STAT5A: variants seen among roughly 807,000 people sequenced by gnomAD.
STAT5A encodes the protein epididymis secretory sperm binding protein.
Under a neutral mutation model 100.2 loss-of-function variants are expected in STAT5A, and 26 were observed. The observed-to-expected ratio is 0.26, with a 90% CI of 0.19 to 0.36. STAT5A has a LOEUF of 0.36. Ranked by LOEUF, STAT5A falls within the 10% of genes least tolerant of loss-of-function variation. The probability of loss-of-function intolerance (pLI) is 1.00; values close to 1 mark genes in which losing one functional copy is unlikely to be tolerated. For synonymous variants in STAT5A, 330 were observed against 424.3 expected, an observed-to-expected ratio of 0.78 and a Z score of 2.73; for missense variants, 634 against 1,027.5, an observed-to-expected ratio of 0.62 and a Z score of 5.24.
Position 42,308,950 on chromosome 17 carries a change from G to T in STAT5A, c.2063-97G>T. On this transcript the variant is annotated intron_variant, in intron 16 of 18. Transcript: ENST00000590949. This position sits in a 1 kb window ranked among gnomAD's most constrained non-coding sequence, Gnocchi z 4.6. ...CTCATCCCAGCTGAGAACACAAGGT[G>T]ATGTGAGCAGGAGGGAGACTACATG... 1 of 1,474,856 alleles carries T rather than the reference G, an allele frequency of 6.8e-7. No homozygotes were observed. The highest frequency in any genetic ancestry group is 9.5e-7 in the Non-Finnish European group (1 of 1,057,124). The allele number at this position is 1,474,856 out of a possible 1,614,324, so 91.4% of individuals were successfully genotyped here. A position where few individuals can be genotyped will look rare whatever the true frequency, so the allele number is the denominator to read the frequency against.
intron 6 of STAT5A, 49 bp downstream of exon 6, chr17:42,299,930 T>C: frequency 2.5e-6 from 4 of 1,570,186 alleles, no homozygotes; most frequent in Non-Finnish European, 3.5e-6. Flanking sequence ...ATGAAGTCAG[T>C]CTCTGGGGAC....
chr17:42,307,348 G>A (rs1404432435), intron 13 of STAT5A, 54 bp from the exon 14 acceptor site: 41 of 1,584,380 alleles, frequency 2.6e-5, no homozygotes, highest in Non-Finnish European at 3.1e-5. Context: ...GACTTTCCTG[G>A]GCCACCTGTG....
At chr17:42,294,425 G>T (rs1000432381) in intron 4 of STAT5A, among the ~76,000 whole-genome samples, 1 of 152,164 alleles carries the variant, frequency 6.6e-6, no homozygotes, top group African/African-American at 2.4e-5. Context: ...GAACACCCCT[G>T]GCATTCTAGG....
chr17:42,301,088 T>A (rs908581499), intron 8 of STAT5A, among the ~76,000 whole-genome samples, 187 bp from the exon 9 acceptor site: 4 of 152,078 alleles, frequency 2.6e-5, no homozygotes, highest in African/African-American at 9.7e-5. Flanking sequence ...CCAGCTGCTG[T>A]GTTATCTCAC....
At chr17:42,306,885 A>T (rs1184036631) in intron 13 of STAT5A, among the ~76,000 whole-genome samples, 2 of 151,824 alleles carry the variant, frequency 1.3e-5, no homozygotes, top group Non-Finnish European at 2.9e-5. Context: ...ATGCTGGGCT[A>T]ATTTTTGTAT....
chr17:42,308,608 G>A lies in STAT5A; in HGVS notation c.2062+275G>A, dbSNP rs1226282634. On this transcript the variant is annotated intron_variant, in intron 16 of 18. Coordinates refer to ENST00000590949, the MANE Select transcript of STAT5A (RefSeq NM_001288718.2). This position sits in a 1 kb window ranked among gnomAD's most constrained non-coding sequence, Gnocchi z 4.6. Reference sequence around the variant, plus strand: ...GGAGGAAGGGGTGGCAGCACTGTAGGGAGTGGCCGGGATCATTCGAGCCCA... The same window carrying A: ...GGAGGAAGGGGTGGCAGCACTGTAGAGAGTGGCCGGGATCATTCGAGCCCA... The A allele has an allele frequency of 3.2e-5, 17 of 530,002 alleles. No homozygotes were observed. In the South Asian group the frequency reaches 3.4e-4, roughly 11 times the overall value. The allele number at this position is 530,002 out of a possible 1,614,324, so 32.8% of individuals were successfully genotyped here.
chr17:42,292,827 A>G (rs2080883996), intron 4 of STAT5A, among the ~76,000 whole-genome samples: 1 of 150,452 alleles, frequency 6.6e-6, no homozygotes, highest in Admixed American at 6.6e-5. Context: ...ACGTGGTTTC[A>G]CTATGTTGGC....
intron 18 of STAT5A, among the ~76,000 whole-genome samples, chr17:42,310,039 C>T (rs1327836282): frequency 6.6e-6 from 1 of 152,204 alleles, no homozygotes; most frequent in African/African-American, 2.4e-5. Flanking sequence ...CTGATATGGC[C>T]TTGGTTTTCT....
chr17:42,297,217 G>A (rs928482904), intron 5 of STAT5A, among the ~76,000 whole-genome samples: 1 of 152,102 alleles, frequency 6.6e-6, no homozygotes, highest in Non-Finnish European at 1.5e-5. Context: ...GATTATAGGC[G>A]TGAGCCACGG....
At chr17:42,290,439 G>A (rs1223603963) in intron 3 of STAT5A, among the ~76,000 whole-genome samples, 1 of 152,194 alleles carries the variant, frequency 6.6e-6, no homozygotes, top group African/African-American at 2.4e-5. Context: ...TGAATTGAGG[G>A]TTTAGAAATA....
Position 42,310,915 on chromosome 17 carries a change from ATGG to A in STAT5A, c.*248_*250del. 1.7e-6 allele frequency: 1 copy of A among 603,086 alleles called. No homozygotes were observed. The highest frequency in any genetic ancestry group is 3.1e-5 in the East Asian group (1 of 32,752). The allele number at this position is 603,086 out of a possible 1,614,324, so 37.4% of individuals were successfully genotyped here. On this transcript the variant is annotated 3_prime_UTR_variant, in exon 19 of 19. Coordinates refer to ENST00000590949, the MANE Select transcript of STAT5A (RefSeq NM_001288718.2). The stretch of plus-strand genomic sequence containing the variant: ...AGAGTGCGCCGAGTCTGTCTCTGTC[ATGG>A]TAGAGACCGAGCCTCTGTCACTGCA...
chr17:42,289,485 A>G lies in STAT5A; in HGVS notation c.74A>G (p.His25Arg). ...CAGATGCAGGTGCTGTACGGCCAGC[A>G]CTTCCCCATCGAGGTCCGGCACTAC... is the stretch of plus-strand genomic sequence containing the variant. ...LRQMQVLYGQ[H>R]FPIEVRHYLA... The change falls in exon 2 of 19, where the codon CAC becomes CGC. Residue 25 changes from histidine to arginine, a missense_variant. Physicochemically the swap from His to Arg is conservative, Grantham distance 29 (BLOSUM62 0). This residue lies in a region of STAT5A where 207 missense variants were observed against 256.6 expected (regional missense o/e 0.81). Transcript: ENST00000590949. 6.2e-7 allele frequency: 1 copy of G among 1,613,224 alleles called. No individual in the cohort carries two copies.
chr17:42,307,481 C>T lies in STAT5A; in HGVS notation c.1760C>T (p.Pro587Leu). The change falls in exon 14 of 19, where the codon CCC becomes CTC. Residue 587 changes from proline (P) to leucine (L), a missense_variant. By Grantham distance (98) the Pro-to-Leu change is moderately conservative. Transcript: ENST00000590949. ...GAGGTGTTGAAGAAGCACCACAAGC[C>T]CCACTGGAATGATGGGTAAGGAACG... is the stretch of plus-strand genomic sequence containing the variant. ...VMEVLKKHHK[P>L]HWNDGAILGF... The T allele has an allele frequency of 6.2e-7, 1 of 1,614,036 alleles. No homozygotes were observed. The highest frequency in any genetic ancestry group is 8.5e-7 in the Non-Finnish European group (1 of 1,180,012).
chr17:42,305,565 G>T (rs200794191), intron 11 of STAT5A, 45 bp from the exon 12 acceptor site: 19 of 1,538,206 alleles, frequency 1.2e-5, no homozygotes, highest in Non-Finnish European at 1.6e-5. Context: ...CAGAGGGCAC[G>T]TGGTGGTCAC....
At chr17:42,299,708 A>C in intron 5 of STAT5A, 43 bp from the exon 6 acceptor site, 1 of 1,613,786 alleles carries the variant, frequency 6.2e-7, no homozygotes, top group Non-Finnish European at 8.5e-7. Context: ...CTCCTGTTGG[A>C]CACTAGGAGG....
intron 7 of STAT5A, 63 bp from the exon 8 acceptor site, chr17:42,300,652 T>G: frequency 6.2e-7 from 1 of 1,613,218 alleles, no homozygotes; most frequent in South Asian, 1.1e-5. Context: ...AGCTGTGTCT[T>G]GGGGCCTGGC....
At chr17:42,310,428 G>C in intron 18 of STAT5A, 79 bp from the exon 19 acceptor site, 1 of 1,509,178 alleles carries the variant, frequency 6.6e-7, no homozygotes, top group East Asian at 2.3e-5. Context: ...TGAGTGGAGA[G>C]CAGGCTGGAG....
intron 5 of STAT5A, among the ~76,000 whole-genome samples, chr17:42,298,660 A>G (rs1327018857): frequency 6.6e-6 from 1 of 150,676 alleles, no homozygotes; most frequent in African/African-American, 2.4e-5. Flanking sequence ...TTTAGTAGAG[A>G]TGGGGTTTCA....
chr17:42,292,489 C>T lies in STAT5A; in HGVS notation c.375+428C>T, dbSNP rs148395774. Among the ~76,000 whole-genome samples the T allele has an allele frequency of 8.7e-3, 1,323 of 151,348 alleles. 11 individuals carry two copies. Among genetic ancestry groups the T allele is most frequent in the Middle Eastern group, 0.017 (5 of 294 alleles). On this transcript the variant is annotated intron_variant, in intron 4 of 18. Coordinates refer to ENST00000590949, the MANE Select transcript of STAT5A (RefSeq NM_001288718.2). ...GGCTACAGGCGCCCACCACCATGCC[C>T]GGTTAATTTTTTGTATTTTTAGCAG...
Sources: gnomAD v4.1 joint callset for allele counts (sites outside exome capture counted in the v4.1 genomes callset) on GRCh38, gnomAD v4.1.1 for gene constraint, gnomAD v4.1.1 regional missense constraint, Gnocchi (gnomAD v3.1) non-coding constraint, MANE v1.5 for transcripts, NCBI Gene and HGNC (gene_info 2026-07-23, HGNC 2026-07-21) for gene names.